HERC4: variants seen among roughly 807,000 people sequenced by gnomAD.
HERC4 encodes probable E3 ubiquitin-protein ligase HERC4.
Under a neutral mutation model 124.3 loss-of-function variants are expected in HERC4, and 28 were observed. The ratio of observed to expected loss-of-function variants is 0.23; its 90% CI spans 0.17 to 0.31. The LOEUF (loss-of-function observed/expected upper bound fraction) is 0.31. Ranked by LOEUF, HERC4 falls within the 10% of genes least tolerant of loss-of-function variation. The pLI, the probability that HERC4 is intolerant of heterozygous loss-of-function variation, is 1.00. For synonymous variants in HERC4, 407 were observed against 421.5 expected, an observed-to-expected ratio of 0.97 and a Z score of 0.42; for missense variants, 713 against 1,229.3, an observed-to-expected ratio of 0.58 and a Z score of 6.28.
rs185785152 is a variant in HERC4 at position 67,990,823 on chromosome 10, T to C, written c.1443+81A>G. On this transcript the variant is annotated intron_variant, in intron 13 of 24. Transcript: ENST00000373700. Reference sequence around the variant, plus strand: ...CGTAAGAGTCTGTGAAACTGCAAAGTAAATTAGGCTATAAACGTATAAAAC... The same window carrying C: ...CGTAAGAGTCTGTGAAACTGCAAAGCAAATTAGGCTATAAACGTATAAAAC... 1.8e-5 allele frequency: 14 copies of C among 783,514 alleles called. No individual in the cohort carries two copies. In the East Asian group the frequency reaches 2.8e-4, roughly 16 times the overall value. 48.5% of individuals were successfully genotyped at this position (783,514 alleles called of 1,614,324 possible).
Position 68,059,843 on chromosome 10 carries a change from T to TATATCATAATATTATATATTATAATA in HERC4, c.226+13039_226+13040insTATTATAATATATAATATTATGATAT, listed in dbSNP as rs1564609908. ...TATATCATAATATTATATATTATAA[T>TATATCATAATATTATATATTATAATA]ATATTATATATCATAATATTATATA... On this transcript the variant is annotated intron_variant, in intron 3 of 24. Coordinates refer to ENST00000373700, the MANE Select transcript of HERC4 (RefSeq NM_015601.4). Among the ~76,000 whole-genome samples the TATATCATAATATTATATATTATAATA allele has an allele frequency of 3.0e-4, 8 of 26,306 alleles. 1 individual carries two copies. The highest frequency in any genetic ancestry group is 1.6e-3 in the Admixed American group (2 of 1,288). 17.3% of individuals were successfully genotyped at this position (26,306 alleles called of 152,430 possible).
chr10:68,040,178 T>C, intron 4 of HERC4: 3 of 983,134 alleles, frequency 3.1e-6, no homozygotes, highest in Non-Finnish European at 3.6e-6. Context: ...TTTTCTAAAT[T>C]TGCATAGCAA....
chr10:68,023,595 T>A (rs1009767287), intron 8 of HERC4, among the ~76,000 whole-genome samples: 4 of 152,114 alleles, frequency 2.6e-5, no homozygotes, highest in African/African-American at 7.2e-5. Context: ...AGCTTCAGTT[T>A]TGCAAGATAA....
chr10:67,956,735 A>C, intron 17 of HERC4, 143 bp downstream of exon 17: 1 of 458,074 alleles, frequency 2.2e-6, no homozygotes. Context: ...GAATATACAT[A>C]TCACATGCAG....
chr10:67,938,446 AG>A (rs1265328536), intron 21 of HERC4, among the ~76,000 whole-genome samples: 1 of 151,112 alleles, frequency 6.6e-6, no homozygotes, highest in Non-Finnish European at 1.5e-5. Flanking sequence ...TCAAAAAAAA[AG>A]AAAAAAAAAA....
At chr10:68,048,907 T>C (rs1025505892) in intron 3 of HERC4, among the ~76,000 whole-genome samples, 3 of 152,196 alleles carry the variant, frequency 2.0e-5, no homozygotes, top group African/African-American at 4.8e-5. Context: ...ATCAAAAAGT[T>C]TGATAACAGT....
intron 3 of HERC4, among the ~76,000 whole-genome samples, chr10:68,065,148 G>T (rs1284093975): frequency 6.6e-6 from 1 of 152,006 alleles, no homozygotes; most frequent in African/African-American, 2.4e-5. Flanking sequence ...TTCCCAGTTT[G>T]TAATCAGAAA....
intron 15 of HERC4, among the ~76,000 whole-genome samples, chr10:67,975,730 T>C (rs752266420): frequency 6.6e-6 from 1 of 152,198 alleles, no homozygotes; most frequent in Non-Finnish European, 1.5e-5. Context: ...TAATCCAATT[T>C]AAAAAGCACA....
At chr10:67,959,902 T>C (rs577377768) in intron 16 of HERC4, among the ~76,000 whole-genome samples, 1 of 152,210 alleles carries the variant, frequency 6.6e-6, no homozygotes, top group Non-Finnish European at 1.5e-5. Flanking sequence ...TTCAGAAATA[T>C]GTTACTAAAT....
intron 4 of HERC4, chr10:68,040,017 G>A (rs768137829): frequency 9.9e-6 from 7 of 708,376 alleles, no homozygotes; most frequent in Non-Finnish European, 1.2e-5. Flanking sequence ...AGTAAGTTCT[G>A]TGAAGGCAGA....
At chr10:68,010,977 A>C in intron 9 of HERC4, 1 of 848,634 alleles carries the variant, frequency 1.2e-6, no homozygotes, top group Non-Finnish European at 1.9e-6. Flanking sequence ...ATCTATAGTT[A>C]AGTTCTTCGA....
intron 19 of HERC4, among the ~76,000 whole-genome samples, chr10:67,953,544 A>T (rs1027615814): frequency 3.9e-5 from 6 of 152,212 alleles, no homozygotes; most frequent in Non-Finnish European, 5.9e-5. Flanking sequence ...CACCAACCTT[A>T]AGAGCTCTCC....
intron 3 of HERC4, among the ~76,000 whole-genome samples, chr10:68,052,841 A>G (rs972439779): frequency 6.6e-6 from 1 of 152,220 alleles, no homozygotes; most frequent in Non-Finnish European, 1.5e-5. Flanking sequence ...TGCCATTATG[A>G]ACACAGAGTG....
intron 14 of HERC4, 71 bp downstream of exon 14, chr10:67,990,140 G>T: frequency 1.5e-6 from 2 of 1,299,260 alleles, no homozygotes; most frequent in South Asian, 1.4e-5. Context: ...ACTGCAAATG[G>T]CAAAAGAACT....
intron 9 of HERC4, among the ~76,000 whole-genome samples, chr10:68,004,873 C>A (rs953819258): frequency 1.3e-5 from 2 of 152,232 alleles, no homozygotes; most frequent in South Asian, 2.1e-4. Context: ...TTACCTCCAC[C>A]GGGTCTCTCC....
intron 3 of HERC4, among the ~76,000 whole-genome samples, chr10:68,048,899 C>T (rs544595914): frequency 2.6e-5 from 4 of 152,006 alleles, no homozygotes; most frequent in African/African-American, 9.7e-5. Context: ...TGATAAAAAT[C>T]AAAAAGTTTG....
intron 3 of HERC4, among the ~76,000 whole-genome samples, chr10:68,045,792 C>T (rs1231558559): frequency 6.6e-6 from 1 of 152,156 alleles, no homozygotes; most frequent in Non-Finnish European, 1.5e-5. Flanking sequence ...AAAACTGGAT[C>T]AATCAGGGTT....
chr10:68,006,082 C>T (rs937272588), intron 9 of HERC4, among the ~76,000 whole-genome samples: 29 of 152,122 alleles, frequency 1.9e-4, no homozygotes, highest in African/African-American at 6.0e-4. Flanking sequence ...ATCATCTTTT[C>T]CCCTGCTCTT....
chr10:67,926,393 A>T (rs552319636), intron 23 of HERC4, among the ~76,000 whole-genome samples: 13 of 151,368 alleles, frequency 8.6e-5, no homozygotes, highest in African/African-American at 3.2e-4. Flanking sequence ...GCGAAACTCC[A>T]TCTCAATAAA....
Sources: gnomAD v4.1 joint callset for allele counts (sites outside exome capture counted in the v4.1 genomes callset) on GRCh38, gnomAD v4.1.1 for gene constraint, MANE v1.5 for transcripts, NCBI Gene and HGNC (gene_info 2026-07-23, HGNC 2026-07-21) for gene names.